Variants in INSIG2 observed in about 807,000 individuals in gnomAD.
INSIG2 encodes the protein insulin induced gene 2.
A neutral mutation model predicts 27.2 loss-of-function variants in INSIG2; 10 were observed. That is an observed-to-expected ratio of 0.37 (90% confidence interval 0.23 to 0.62). INSIG2 has a LOEUF of 0.62. Ranked by LOEUF, INSIG2 falls within the 20% of genes least tolerant of loss-of-function variation. The probability of loss-of-function intolerance (pLI) is 0.65; values close to 1 mark genes in which losing one functional copy is unlikely to be tolerated. For missense variants in INSIG2, 178 were observed against 270.2 expected, an observed-to-expected ratio of 0.66 and a Z score of 2.39; for synonymous variants, 97 against 95.8, an observed-to-expected ratio of 1.01 and a Z score of -0.07.
At chr2:118,089,495 T>G (rs1430151099) in intron 1 of INSIG2, among the ~76,000 whole-genome samples, 1 of 152,128 alleles carries the variant, frequency 6.6e-6, no homozygotes, top group Non-Finnish European at 1.5e-5. Flanking sequence ...TAGATGGTGT[T>G]TTGTAACTTT....
At chr2:118,107,544 A>G (rs777034255) in intron 5 of INSIG2, among the ~76,000 whole-genome samples, 31 of 152,220 alleles carry the variant, frequency 2.0e-4, no homozygotes, top group Admixed American at 3.3e-4. Context: ...TACAATAGGT[A>G]TACATTAGGA....
chr2:118,096,228 C>T (rs71422563), intron 1 of INSIG2, among the ~76,000 whole-genome samples, 191 bp from the exon 2 acceptor site: 2,239 of 152,142 alleles, frequency 0.015, 25 homozygotes, highest in Non-Finnish European at 0.023. Context: ...TTTTTTATTA[C>T]GTCTTGCATA....
chr2:118,107,835 G>A (rs1678711672), intron 5 of INSIG2, among the ~76,000 whole-genome samples: 1 of 152,112 alleles, frequency 6.6e-6, no homozygotes, highest in Non-Finnish European at 1.5e-5. Context: ...TTTTGTTAAT[G>A]TAACAGATTT....
chr2:118,090,090 GTC>G (rs1243960169), intron 1 of INSIG2, among the ~76,000 whole-genome samples: 1 of 152,186 alleles, frequency 6.6e-6, no homozygotes, highest in Non-Finnish European at 1.5e-5. Flanking sequence ...ATTGATTTAA[GTC>G]TGTTTTTTTC....
intron 4 of INSIG2, 29 bp from the exon 5 acceptor site, chr2:118,107,060 TG>T (rs1678690370): frequency 3.0e-5 from 45 of 1,499,436 alleles, no homozygotes; most frequent in Non-Finnish European, 3.7e-5. Flanking sequence ...AGTTCCTCTG[TG>T]GGTATTAAAG....
intron 2 of INSIG2, among the ~76,000 whole-genome samples, chr2:118,101,809 G>A (rs1456752496): frequency 1.3e-5 from 2 of 152,126 alleles, no homozygotes; most frequent in Non-Finnish European, 2.9e-5. Context: ...CTGCATTGCC[G>A]AGATATGTTC....
chr2:118,096,792 C>T lies in INSIG2; in HGVS notation c.236C>T (p.Thr79Met), dbSNP rs745585272. Residue 79 changes from threonine (T) to methionine (M), a missense_variant, in exon 2 of 6, where the codon ACG (threonine) becomes ATG (methionine). Thr to Met is a moderately conservative substitution (Grantham distance 81, BLOSUM62 -1). Coordinates refer to ENST00000245787, the MANE Select transcript of INSIG2 (RefSeq NM_016133.4). ...TGGTGGGTACCCCCATGCTGTGGCA[C>T]GGCTTCAGGTATGTGTAGGATGTTT... is the stretch of plus-strand genomic sequence containing the variant. ...SAWWVPPCCG[T>M]ASAVIGLLYP... 5.0e-5 allele frequency: 81 copies of T among 1,612,560 alleles called. No individual in the cohort carries two copies. The highest frequency in any genetic ancestry group is 6.2e-5 in the Non-Finnish European group (73 of 1,179,986).
In INSIG2 at chr2:118,108,338, T is replaced by C. The variant is rs775437767; in HGVS notation, c.*16T>C. ...TCAGGAATGAAGAAGGCAAAAAATA[T>C]CTTTTGTACAGAAAAGCAAGATGAA... is the stretch of plus-strand genomic sequence containing the variant. On this transcript the variant is annotated 3_prime_UTR_variant, in exon 6 of 6. Transcript: ENST00000245787. 7.6e-6 allele frequency: 12 copies of C among 1,584,314 alleles called. 1 individual carries two copies. In the South Asian group the frequency reaches 7.9e-5, roughly 10 times the overall value.
intron 2 of INSIG2, among the ~76,000 whole-genome samples, chr2:118,098,757 A>G (rs1055336155): frequency 1.3e-5 from 2 of 152,212 alleles, no homozygotes; most frequent in African/African-American, 4.8e-5. Context: ...TCAAATGCTA[A>G]TACCACAGTT....
rs553845082 is a variant in INSIG2 at position 118,110,017 on chromosome 2, T to G, written c.*1695T>G. The G allele has an allele frequency of 6.6e-6, 1 of 152,640 alleles. No individual in the cohort carries two copies. The highest frequency in any genetic ancestry group is 1.5e-5 in the Non-Finnish European group (1 of 68,042). 9.5% of individuals were successfully genotyped at this position (152,640 alleles called of 1,614,324 possible). On this transcript the variant is annotated 3_prime_UTR_variant, in exon 6 of 6. Transcript: ENST00000245787. The stretch of plus-strand genomic sequence containing the variant: ...AAGCAACACGTATTAAATATGTAAT[T>G]ATCATCTGGGTTAAGAGTCTGTTTT...
intron 4 of INSIG2, 31 bp from the exon 5 acceptor site, chr2:118,107,059 G>A: frequency 6.6e-7 from 1 of 1,505,468 alleles, no homozygotes; most frequent in Non-Finnish European, 9.2e-7. Context: ...CAGTTCCTCT[G>A]TGGGTATTAA....
At position 118,106,804 on chromosome 2, in the gene INSIG2, G is replaced by A. The variant is rs1224310333; in HGVS notation, c.437G>A (p.Trp146Ter). The A allele has an allele frequency of 1.2e-6, 2 of 1,614,046 alleles. No individual in the cohort carries two copies. Among genetic ancestry groups the A allele is most frequent in the East Asian group, 2.2e-5 (1 of 44,864 alleles). The change falls in exon 4 of 6, where the codon TGG (tryptophan) becomes TAG (stop). Residue 146 changes from tryptophan to a stop codon, truncating the protein, a stop_gained. Transcript: ENST00000245787. LOFTEE classifies it high-confidence loss of function. The stretch of plus-strand genomic sequence containing the variant: ...GCTGCACTATCCATTGGACTGTGGT[G>A]GACTTTTGATAGATCTAGAAGTGGT... ...TLAALSIGLWWTFDRSRSGFG... is the reference protein window; with the variant it reads ...TLAALSIGLW
chr2:118,099,535 G>A (rs1678490743), intron 2 of INSIG2, among the ~76,000 whole-genome samples: 1 of 152,036 alleles, frequency 6.6e-6, no homozygotes, highest in African/African-American at 2.4e-5. Flanking sequence ...ACCAGAATTG[G>A]AATTAGAAAT....
At chr2:118,097,141 G>A (rs1678427378) in intron 2 of INSIG2, among the ~76,000 whole-genome samples, 1 of 146,028 alleles carries the variant, frequency 6.8e-6, no homozygotes, top group African/African-American at 2.6e-5. Context: ...AATATAAATG[G>A]GCTCATAACG....
chr2:118,099,152 G>C (rs558962919), intron 2 of INSIG2, among the ~76,000 whole-genome samples: 1 of 152,226 alleles, frequency 6.6e-6, no homozygotes, highest in African/African-American at 2.4e-5. Flanking sequence ...GTTTGTGTGT[G>C]TATGTAATAT....
Position 118,096,437 on chromosome 2 carries a change from C to A in INSIG2, c.-120C>A. On this transcript the variant is annotated 5_prime_UTR_variant, in exon 2 of 6. Coordinates refer to ENST00000245787, the MANE Select transcript of INSIG2 (RefSeq NM_016133.4). ...CTTGCAGGATTTCTGGTAGGTCCTA[C>A]TTTAGGACAAGATGTGGTACCGTTG... is the stretch of plus-strand genomic sequence containing the variant. 1 of 991,786 alleles carries A rather than the reference C, an allele frequency of 1.0e-6. No homozygotes were observed. The allele number at this position is 991,786 out of a possible 1,614,324, so 61.4% of individuals were successfully genotyped here.
chr2:118,099,670 A>G (rs1386678488), intron 2 of INSIG2, among the ~76,000 whole-genome samples: 1 of 152,234 alleles, frequency 6.6e-6, no homozygotes, highest in East Asian at 1.9e-4. Flanking sequence ...GTTGTGTCCA[A>G]ACGTATGAAA....
chr2:118,093,863 TGAG>T (rs1200944089), intron 1 of INSIG2, among the ~76,000 whole-genome samples: 702 of 42,026 alleles, frequency 0.017, 24 homozygotes, highest in Non-Finnish European at 0.026. Flanking sequence ...ATGATGATGA[TGAG>T]GAGGAGGAGG....
Position 118,109,591 on chromosome 2 carries a change from G to C in INSIG2, c.*1269G>C, listed in dbSNP as rs1045932001. 1 of 152,490 alleles carries C rather than the reference G, an allele frequency of 6.6e-6. No homozygotes were observed. Among genetic ancestry groups the C allele is most frequent in the African/African-American group, 2.4e-5 (1 of 41,382 alleles). The allele number at this position is 152,490 out of a possible 1,614,324, so 9.4% of individuals were successfully genotyped here. A position where few individuals can be genotyped will look rare whatever the true frequency, so the allele number is the denominator to read the frequency against. ...AGGGCAAGATCTTCTGAGTACTCTG[G>C]GGTGTGAGTATGTGTGCACACGTGT... On this transcript the variant is annotated 3_prime_UTR_variant, in exon 6 of 6. Transcript: ENST00000245787.
Sources: gnomAD v4.1 joint callset for allele counts (sites outside exome capture counted in the v4.1 genomes callset) on GRCh38, gnomAD v4.1.1 for gene constraint, MANE v1.5 for transcripts, NCBI Gene and HGNC (gene_info 2026-07-23, HGNC 2026-07-21) for gene names.